IAH1: variants seen among roughly 807,000 people sequenced by gnomAD.
IAH1 encodes the protein isoamyl acetate-hydrolyzing esterase 1 homolog.
A neutral mutation model predicts 26.7 loss-of-function variants in IAH1; 24 were observed. The observed-to-expected ratio is 0.90, with a 90% CI of 0.65 to 1.26. The LOEUF is 1.26. Among genes scored for constraint, IAH1 ranks in the 50% most tolerant of loss-of-function variants. IAH1 has a pLI of 0.00. For synonymous variants in IAH1, 140 were observed against 118.5 expected (o/e 1.18, Z -1.18); for missense variants, 300 against 299.9 (o/e 1.00, Z 0.00).
downstream of IAH1, chr2:9,497,019 G>A: frequency 1.9e-6 from 3 of 1,540,030 alleles, no homozygotes; most frequent in Non-Finnish European, 2.6e-6. Flanking sequence ...TCTCACCACT[G>A]CTGTCATTCG....
the IAH1 span, chr2:9,510,221 C>CATAA: frequency 0.47 from 637,168 of 1,369,494 alleles, 157,327 homozygotes; most frequent in Middle Eastern, 0.6. Flanking sequence ...TAAATAGAGC[C>CATAA]TTATAATCAG....
intron 5 of IAH1, among the ~76,000 whole-genome samples, chr2:9,487,040 T>C (rs1326322239): frequency 6.6e-6 from 1 of 152,052 alleles, no homozygotes; most frequent in Admixed American, 6.5e-5. Context: ...AAAACCAGCC[T>C]GGGCAACATA....
intron 5 of IAH1, chr2:9,486,848 C>T (rs1046146371): frequency 2.0e-5 from 3 of 149,478 alleles, no homozygotes; most frequent in African/African-American, 7.4e-5. Context: ...AAAAAAAAGT[C>T]ACATAAGCTA....
At chr2:9,475,940 G>A in intron 1 of IAH1, 47 bp from the exon 2 acceptor site, 9 of 1,553,096 alleles carry the variant, frequency 5.8e-6, no homozygotes, top group Non-Finnish European at 8.0e-6. Flanking sequence ...TCGCTGAGAT[G>A]CCCGGTTACA....
chr2:9,477,823 T>C (rs1010907319), intron 2 of IAH1, among the ~76,000 whole-genome samples: 8 of 152,308 alleles, frequency 5.3e-5, no homozygotes, highest in African/African-American at 1.9e-4. Context: ...CTATAGACTG[T>C]TTAAATATAA....
chr2:9,492,858 T>G (rs1343484012), downstream of IAH1: 2 of 1,540,986 alleles, frequency 1.3e-6, no homozygotes, highest in Non-Finnish European at 1.8e-6. Context: ...TGATCAAAAT[T>G]TAAATAAAAC....
intron 5 of IAH1, among the ~76,000 whole-genome samples, chr2:9,487,831 T>TGTGTGC (rs1661661421): frequency 1.2e-5 from 1 of 80,172 alleles, no homozygotes; most frequent in African/African-American, 4.7e-5. Context: ...TGTGTGTGTG[T>TGTGTGC]GTGCGCGCGC....
At chr2:9,511,493 G>T in the IAH1 span, among the ~76,000 whole-genome samples, 6 of 151,876 alleles carry the variant, frequency 4.0e-5, no homozygotes, top group African/African-American at 1.5e-4. Flanking sequence ...ACAAAACAAT[G>T]TTTTATTTTC....
At chr2:9,478,587 G>A (rs1660964243) in intron 3 of IAH1, among the ~76,000 whole-genome samples, 1 of 152,122 alleles carries the variant, frequency 6.6e-6, no homozygotes, top group Non-Finnish European at 1.5e-5. Context: ...TCCTAATCTT[G>A]CAAACAGTTA....
chr2:9,478,445 C>CT, intron 3 of IAH1, 75 bp downstream of exon 3: 1 of 1,346,918 alleles, frequency 7.4e-7, no homozygotes, highest in Middle Eastern at 1.9e-4. Context: ...ATTTAATATA[C>CT]TTTTTTCAAC....
chr2:9,506,532 A>T, the IAH1 span, among the ~76,000 whole-genome samples: 1 of 151,796 alleles, frequency 6.6e-6, no homozygotes, highest in Non-Finnish European at 1.5e-5. Context: ...ACGCCCAGCT[A>T]ATTTTTGTAT....
At chr2:9,478,399 T>C in intron 3 of IAH1, 29 bp downstream of exon 3, 1 of 1,542,960 alleles carries the variant, frequency 6.5e-7, no homozygotes, top group Non-Finnish European at 8.8e-7. Flanking sequence ...TTCTTCTAGC[T>C]CACTTTTAAT....
At chr2:9,476,112 A>G (rs1179060383) in intron 2 of IAH1, 73 bp downstream of exon 2, 1 of 1,296,646 alleles carries the variant, frequency 7.7e-7, no homozygotes, top group African/African-American at 1.5e-5. Context: ...TGGATGAAGG[A>G]TAGTTCTGAA....
At position 9,475,984 on chromosome 2, in the gene IAH1, C is replaced by T; in HGVS notation, c.82-3C>T. On this transcript the variant is annotated splice_polypyrimidine_tract_variant and splice_region_variant and intron_variant, in intron 1 of 5. Transcript: ENST00000497473. ...TAGTAATAATGGGCTTTTCTTCCTC[C>T]AGTTTTCCTTCCAGCAGGGTGGATG... is the stretch of plus-strand genomic sequence containing the variant. 2 of 1,613,492 alleles carry T rather than the reference C, an allele frequency of 1.2e-6. No homozygotes were observed. Among genetic ancestry groups the T allele is most frequent in the African/African-American group, 1.3e-5 (1 of 74,998 alleles).
At chr2:9,500,824 G>A (rs1662954704), downstream of IAH1, among the ~76,000 whole-genome samples, 1 of 152,160 alleles carries the variant, frequency 6.6e-6, no homozygotes, top group Admixed American at 6.5e-5. Flanking sequence ...AATTTTTAAA[G>A]CAACAATTGA....
Position 9,474,942 on chromosome 2 carries a change from C to T in IAH1, c.81+295C>T, listed in dbSNP as rs922377490. On this transcript the variant is annotated intron_variant, in intron 1 of 5. Coordinates refer to ENST00000497473, the MANE Select transcript of IAH1 (RefSeq NM_001039613.3). This position sits in a 1 kb window ranked among gnomAD's most constrained non-coding sequence, Gnocchi z 4.3. ...CGCCTCCCACCCGGGTCGAGATGCG[C>T]GGTCTTCCCCTCAGCGCCCTCCTGG... 2.5e-5 allele frequency: 23 copies of T among 912,682 alleles called. No homozygotes were observed. The highest frequency in any genetic ancestry group is 2.2e-4 in the Admixed American group (4 of 17,874). 56.5% of individuals were successfully genotyped at this position (912,682 alleles called of 1,614,324 possible). A position where few individuals can be genotyped will look rare whatever the true frequency, so the allele number is the denominator to read the frequency against.
downstream of IAH1, among the ~76,000 whole-genome samples, chr2:9,492,617 T>C (rs1662251406): frequency 6.6e-6 from 1 of 152,208 alleles, no homozygotes; most frequent in Non-Finnish European, 1.5e-5. Context: ...TCAAAGGACC[T>C]GGACAAATCC....
At chr2:9,482,293 G>A (rs1416189258) in intron 4 of IAH1, among the ~76,000 whole-genome samples, 5 of 152,296 alleles carry the variant, frequency 3.3e-5, no homozygotes, top group South Asian at 2.1e-4. Context: ...CTCCCAAAGT[G>A]CTGGGATTAC....
chr2:9,497,153 A>G (rs770135526), downstream of IAH1: 1 of 1,614,220 alleles, frequency 6.2e-7, no homozygotes, highest in Non-Finnish European at 8.5e-7. Context: ...TCCCTCTCGC[A>G]GAAAGGGATG....
Sources: gnomAD v4.1 joint callset for allele counts (sites outside exome capture counted in the v4.1 genomes callset) on GRCh38, gnomAD v4.1.1 for gene constraint, Gnocchi (gnomAD v3.1) non-coding constraint, MANE v1.5 for transcripts, NCBI Gene and HGNC (gene_info 2026-07-23, HGNC 2026-07-21) for gene names.